PPP3CA: variants seen among roughly 807,000 people sequenced by gnomAD.
PPP3CA encodes CAM-PRP catalytic subunit.
Under a neutral mutation model 66.5 loss-of-function variants are expected in PPP3CA, and 14 were observed. The observed-to-expected ratio is 0.21, with a 90% CI of 0.14 to 0.33. The LOEUF (loss-of-function observed/expected upper bound fraction) is 0.33, where lower values mean the gene tolerates loss of function less well. PPP3CA is among the 10% of genes least tolerant of loss of function. PPP3CA has a pLI of 1.00. For missense variants in PPP3CA, 317 were observed against 639.5 expected (o/e 0.50, Z 5.44); for synonymous variants, 232 against 226.2 (o/e 1.03, Z -0.23).
chr4:101,332,927 T>C (rs1729435966), intron 1 of PPP3CA, among the ~76,000 whole-genome samples: 1 of 152,110 alleles, frequency 6.6e-6, no homozygotes, highest in Non-Finnish European at 1.5e-5. Flanking sequence ...GGAGGCAGAG[T>C]GAAGAGTGGC....
At chr4:101,300,711 C>A (rs1453894179) in intron 1 of PPP3CA, among the ~76,000 whole-genome samples, 6 of 152,246 alleles carry the variant, frequency 3.9e-5, no homozygotes, top group Non-Finnish European at 7.4e-5. Context: ...GCACAAGAAT[C>A]GCTCTGCCGG....
intron 3 of PPP3CA, among the ~76,000 whole-genome samples, chr4:101,108,487 C>T (rs757118278): frequency 5.9e-5 from 9 of 152,100 alleles, no homozygotes; most frequent in African/African-American, 1.7e-4. Context: ...GGAATCACGC[C>T]GGGCATGGTG....
At chr4:101,335,535 T>C (rs908028617) in intron 1 of PPP3CA, among the ~76,000 whole-genome samples, 36 of 143,026 alleles carry the variant, frequency 2.5e-4, no homozygotes, top group African/African-American at 1.0e-3. Flanking sequence ...ACGCGTCTGC[T>C]ATCTAGGTTT....
chr4:101,102,555 T>C (rs1395793887), intron 3 of PPP3CA, among the ~76,000 whole-genome samples: 1 of 152,178 alleles, frequency 6.6e-6, no homozygotes, highest in Non-Finnish European at 1.5e-5. Flanking sequence ...GGTGGAGCCC[T>C]GCCAGCATTC....
rs562374489 is a variant in PPP3CA, at chr4:101,213,727, A to G, written c.59-17611T>C. On this transcript the variant is annotated intron_variant, in intron 1 of 13. Coordinates refer to ENST00000394854, the MANE Select transcript of PPP3CA (RefSeq NM_000944.5). ...TTAAGAGAGTGAAGAAAACGAGTTC[A>G]CATTAAATGGTAAAAATAACACAGC... 2.0e-5 allele frequency among the ~76,000 whole-genome samples: 3 copies of G among 152,278 alleles called. No homozygotes were observed. The East Asian group carries it at 5.8e-4, about 29-fold the overall frequency.
chr4:101,109,576 T>C (rs1218155133), intron 2 of PPP3CA, among the ~76,000 whole-genome samples: 1 of 150,752 alleles, frequency 6.6e-6, no homozygotes, highest in Non-Finnish European at 1.5e-5. Context: ...AATGTAGATA[T>C]GTATCATAAA....
intron 8 of PPP3CA, among the ~76,000 whole-genome samples, chr4:101,066,741 C>T (rs1303644614): frequency 6.6e-6 from 1 of 152,122 alleles, no homozygotes; most frequent in Non-Finnish European, 1.5e-5. Flanking sequence ...TCACAGTTAA[C>T]GTTTCATCTT....
At chr4:101,256,387 T>C (rs988176647) in intron 1 of PPP3CA, among the ~76,000 whole-genome samples, 10 of 151,980 alleles carry the variant, frequency 6.6e-5, no homozygotes, top group Admixed American at 2.0e-4. Flanking sequence ...GGCTGGATGA[T>C]TTACAACAGG....
rs537118015 is a variant in PPP3CA at position 101,185,669 on chromosome 4, G to A, written c.259+10247C>T. Among the ~76,000 whole-genome samples the A allele has an allele frequency of 2.6e-4, 40 of 152,288 alleles. No individual in the cohort carries two copies. The South Asian group carries it at 8.3e-3, about 32-fold the overall frequency. On this transcript the variant is annotated intron_variant, in intron 2 of 13. Transcript: ENST00000394854. ...ATTAGAAACCTGTTTCAAAGCATTA[G>A]TGGAGAATATTAGGAGAAATTCCTA...
At chr4:101,320,455 T>C (rs1456221424) in intron 1 of PPP3CA, among the ~76,000 whole-genome samples, 3 of 132,596 alleles carry the variant, frequency 2.3e-5, no homozygotes, top group African/African-American at 3.2e-5. Flanking sequence ...ACCACTCATA[T>C]GTATGTATGT....
At chr4:101,132,113 C>T (rs1015533842) in intron 2 of PPP3CA, among the ~76,000 whole-genome samples, 3 of 152,138 alleles carry the variant, frequency 2.0e-5, no homozygotes, top group Middle Eastern at 3.4e-3. Flanking sequence ...AGTGTACAGA[C>T]GGAAATTTAT....
At chr4:101,040,064 A>G (rs762038503) in intron 11 of PPP3CA, among the ~76,000 whole-genome samples, 18 of 152,222 alleles carry the variant, frequency 1.2e-4, no homozygotes, top group African/African-American at 4.3e-4. Flanking sequence ...TCACATGAAC[A>G]GCTTTATGGC....
chr4:101,087,725 C>T (rs187132908), intron 6 of PPP3CA, among the ~76,000 whole-genome samples: 154 of 152,044 alleles, frequency 1.0e-3, no homozygotes, highest in African/African-American at 3.7e-3. Flanking sequence ...AATGGATATC[C>T]GAGTTTTCAT....
chr4:101,107,659 A>G (rs1027055744), intron 3 of PPP3CA, among the ~76,000 whole-genome samples: 7 of 152,234 alleles, frequency 4.6e-5, no homozygotes, highest in African/African-American at 1.7e-4. Flanking sequence ...GTAGTCAGTG[A>G]CTAAAGGTGA....
chr4:101,141,215 C>T (rs771037892), intron 2 of PPP3CA, among the ~76,000 whole-genome samples: 1 of 151,978 alleles, frequency 6.6e-6, no homozygotes, highest in Non-Finnish European at 1.5e-5. Flanking sequence ...ACTAAAAATA[C>T]AAAAATTAGC....
At chr4:101,117,048 C>T (rs565715500) in intron 2 of PPP3CA, among the ~76,000 whole-genome samples, 1 of 151,600 alleles carries the variant, frequency 6.6e-6, no homozygotes, top group Admixed American at 6.6e-5. Context: ...ACAATAATAG[C>T]ACCAGTACAG....
chr4:101,028,668 G>T (rs1054533595), intron 13 of PPP3CA, among the ~76,000 whole-genome samples: 2 of 152,162 alleles, frequency 1.3e-5, no homozygotes. Context: ...GCTGTCTCAT[G>T]TTGGAATATT....
At chr4:101,319,220 T>G (rs1339803181) in intron 1 of PPP3CA, among the ~76,000 whole-genome samples, 2 of 151,472 alleles carry the variant, frequency 1.3e-5, no homozygotes, top group African/African-American at 4.8e-5. Flanking sequence ...GAGAGTTTAT[T>G]CATTCAGTAA....
chr4:101,299,869 T>C (rs1333993021), intron 1 of PPP3CA, among the ~76,000 whole-genome samples: 3 of 152,256 alleles, frequency 2.0e-5, no homozygotes, highest in Non-Finnish European at 4.4e-5. Context: ...AGGACCAGCA[T>C]GCCACATAGT....
Sources: gnomAD v4.1 joint callset for allele counts (sites outside exome capture counted in the v4.1 genomes callset) on GRCh38, gnomAD v4.1.1 for gene constraint, MANE v1.5 for transcripts, NCBI Gene and HGNC (gene_info 2026-07-23, HGNC 2026-07-21) for gene names.